The following YWHAE variants were observed in gnomAD, a reference collection of about 807,000 sequenced individuals.
YWHAE encodes the protein tyrosine 3-monooxygenase/tryptophan 5-monooxygenase activation protein epsilon, also known as 14-3-3 protein epsilon.
Under a neutral mutation model 30.1 loss-of-function variants are expected in YWHAE, and 4 were observed. That is an observed-to-expected ratio of 0.13 (90% CI 0.07 to 0.30). YWHAE has a LOEUF of 0.30. Among genes scored for constraint, YWHAE ranks in the 10% least tolerant of loss-of-function variants. The pLI, the probability that YWHAE is intolerant of heterozygous loss-of-function variation, is 1.00. For synonymous variants in YWHAE, 118 were observed against 111.8 expected (o/e 1.06, Z -0.35); for missense variants, 121 against 315.9 (o/e 0.38, Z 4.68).
At chr17:1,364,614 G>A (rs185703585) in intron 2 of YWHAE, 5 of 539,996 alleles carry the variant, frequency 9.3e-6, no homozygotes, top group African/African-American at 5.8e-5. Flanking sequence ...ATTGAGACCT[G>A]CCAGTGGATG....
chr17:1,356,827 A>T (rs1233728725), intron 4 of YWHAE, among the ~76,000 whole-genome samples: 4 of 151,660 alleles, frequency 2.6e-5, no homozygotes, highest in Admixed American at 2.6e-4. Flanking sequence ...AAATTCAGTC[A>T]AGCGCAGTGA....
At chr17:1,367,290 T>C (rs1198138730) in intron 1 of YWHAE, among the ~76,000 whole-genome samples, 1 of 152,168 alleles carries the variant, frequency 6.6e-6, no homozygotes, top group Non-Finnish European at 1.5e-5. Flanking sequence ...ATATGTAAGA[T>C]GGGATACCAC....
chr17:1,355,952 T>A (rs2072733431), intron 4 of YWHAE, among the ~76,000 whole-genome samples: 1 of 151,910 alleles, frequency 6.6e-6, no homozygotes, highest in East Asian at 1.9e-4. Flanking sequence ...GCGGATCACG[T>A]GGTTAGGAGA....
intron 5 of YWHAE, among the ~76,000 whole-genome samples, chr17:1,347,308 G>GGGCGAC (rs2072540243): frequency 6.6e-6 from 1 of 151,670 alleles, no homozygotes; most frequent in South Asian, 2.1e-4. Context: ...ACTCCAGCCT[G>GGGCGAC]GGCGACAATC....
intron 5 of YWHAE, among the ~76,000 whole-genome samples, chr17:1,350,767 TAAAA>T (rs139181426): frequency 9.4e-5 from 14 of 148,646 alleles, no homozygotes; most frequent in East Asian, 2.1e-4. Context: ...ATAATAATAA[TAAAA>T]AAAAATGGCC....
intron 1 of YWHAE, among the ~76,000 whole-genome samples, chr17:1,385,144 C>CAA (rs56023639): frequency 0.3 from 25,911 of 86,350 alleles, 3,963 homozygotes; most frequent in Admixed American, 0.37. Context: ...GACTCTGTCT[C>CAA]AAAAAAAAAA....
chr17:1,361,229 G>T lies in YWHAE; in HGVS notation c.441C>A (p.Asn147Lys), dbSNP rs371948598. The T allele has an allele frequency of 1.2e-6, 2 of 1,613,328 alleles. No individual in the cohort carries two copies. Among genetic ancestry groups the T allele is most frequent in the Non-Finnish European group, 1.7e-6 (2 of 1,179,848 alleles). The change falls in exon 4 of 6, where the codon AAC (asparagine) becomes AAA (lysine). Residue 147 changes from asparagine (N) to lysine (K), a missense_variant. Physicochemically the swap from Asn to Lys is moderately conservative, Grantham distance 94. Around this residue, in one of 2 missense-constraint regions of YWHAE, gnomAD observed 99 missense variants for 289.3 expected, o/e 0.34. Coordinates refer to ENST00000264335, the MANE Select transcript of YWHAE (RefSeq NM_006761.5). Reference sequence around the variant, plus strand: ...TAGCAGCTTTATAAGCCACTAGGCTGTTCTCCGCAGCCTCCTTCCTGTCGT... The same window carrying T: ...TAGCAGCTTTATAAGCCACTAGGCTTTTCTCCGCAGCCTCCTTCCTGTCGT... ...TGNDRKEAAE[N>K]SLVAYKAASD...
chr17:1,361,764 T>G lies in YWHAE; in HGVS notation c.371+138A>C, dbSNP rs577567493. The G allele has an allele frequency of 4.1e-5, 24 of 586,050 alleles. No homozygotes were observed. In the South Asian group the frequency reaches 6.8e-4, roughly 17 times the overall value. 36.3% of individuals were successfully genotyped at this position (586,050 alleles called of 1,614,324 possible). ...ATTTTCATAATAGCCCAACCACCTT[T>G]TCATTACAATATTAACTATCCTTCT... On this transcript the variant is annotated intron_variant, in intron 3 of 5. Coordinates refer to ENST00000264335, the MANE Select transcript of YWHAE (RefSeq NM_006761.5).
At chr17:1,385,647 G>A (rs544241397) in intron 1 of YWHAE, among the ~76,000 whole-genome samples, 158 of 152,248 alleles carry the variant, frequency 1.0e-3, no homozygotes, top group African/African-American at 3.6e-3. Flanking sequence ...GGGGAGGAGG[G>A]AAGGAAGGAA....
Position 1,369,426 on chromosome 17 carries a change from G to A in YWHAE, c.65-4368C>T, listed in dbSNP as rs142828694. On this transcript the variant is annotated intron_variant, in intron 1 of 5. Transcript: ENST00000264335. ...AGAGATTTGCTTGAACCCGGGAGGC[G>A]GAGGTTGCAGTGACCCGAGATGGCT... is the stretch of plus-strand genomic sequence containing the variant. Among the ~76,000 whole-genome samples, 134 of 152,258 alleles carry A rather than the reference G, an allele frequency of 8.8e-4. 2 individuals are homozygous for A. The East Asian group carries it at 0.017, about 19-fold the overall frequency.
At chr17:1,369,206 T>G (rs1415575978) in intron 1 of YWHAE, among the ~76,000 whole-genome samples, 2 of 152,130 alleles carry the variant, frequency 1.3e-5, no homozygotes, top group African/African-American at 2.4e-5. Context: ...TTCACCCATT[T>G]AAAGTGTACT....
intron 5 of YWHAE, among the ~76,000 whole-genome samples, chr17:1,350,205 G>A (rs1283817823): frequency 1.3e-5 from 2 of 151,812 alleles, no homozygotes; most frequent in Non-Finnish European, 2.9e-5. Flanking sequence ...ACCCGCTTCG[G>A]CCTCCCAAAG....
At chr17:1,372,422 G>T (rs1279143745) in intron 1 of YWHAE, among the ~76,000 whole-genome samples, 1 of 152,204 alleles carries the variant, frequency 6.6e-6, no homozygotes, top group African/African-American at 2.4e-5. Context: ...TCTCCTTGAA[G>T]AACTTTTCCT....
chr17:1,383,020 G>A (rs757353218), intron 1 of YWHAE, among the ~76,000 whole-genome samples: 2 of 144,866 alleles, frequency 1.4e-5, no homozygotes, highest in African/African-American at 2.7e-5. Context: ...GCAAGATTCC[G>A]TCTCAAGAAA....
At chr17:1,350,670 G>A (rs1248215308) in intron 5 of YWHAE, among the ~76,000 whole-genome samples, 2 of 151,450 alleles carry the variant, frequency 1.3e-5, no homozygotes, top group Non-Finnish European at 2.9e-5. Context: ...TCAAACTCCT[G>A]ACCTCAGGTG....
intron 1 of YWHAE, among the ~76,000 whole-genome samples, chr17:1,385,972 C>T (rs867778992): frequency 6.6e-6 from 1 of 152,240 alleles, no homozygotes; most frequent in African/African-American, 2.4e-5. Context: ...CGTTTACACA[C>T]AAGAAACTCC....
chr17:1,355,243 G>A (rs1179649564), intron 4 of YWHAE, among the ~76,000 whole-genome samples: 4 of 120,844 alleles, frequency 3.3e-5, no homozygotes, highest in African/African-American at 9.7e-5. Context: ...TGCAAGCTCC[G>A]CCTCCTGGGT....
chr17:1,363,713 T>C (rs906670049), intron 2 of YWHAE, among the ~76,000 whole-genome samples: 2 of 152,168 alleles, frequency 1.3e-5, no homozygotes, highest in African/African-American at 4.8e-5. Flanking sequence ...AACAAAAATA[T>C]TTCTCTACTC....
chr17:1,355,481 A>C (rs1310958086), intron 4 of YWHAE, among the ~76,000 whole-genome samples: 1 of 152,038 alleles, frequency 6.6e-6, no homozygotes, highest in African/African-American at 2.4e-5. Context: ...AAAATCTTGG[A>C]CAATACCTCA....
Sources: allele counts gnomAD v4.1 joint callset (sites outside exome capture counted in the v4.1 genomes callset), GRCh38; gene constraint gnomAD v4.1.1; regional missense constraint gnomAD v4.1.1; transcripts MANE v1.5; gene names NCBI Gene and HGNC (gene_info 2026-07-23, HGNC 2026-07-21).